The following PAK5 variants were observed in gnomAD, a reference collection of about 807,000 sequenced individuals.
PAK5 encodes p21 (RAC1) activated kinase 5.
A neutral mutation model predicts 65.9 loss-of-function variants in PAK5; 16 were observed. The ratio of observed to expected loss-of-function variants is 0.24; its 90% CI spans 0.16 to 0.37. The LOEUF is 0.37. Ranked by LOEUF, PAK5 falls within the 10% of genes least tolerant of loss-of-function variation. The pLI is 1.00. For synonymous variants in PAK5, 371 were observed against 354.9 expected, an observed-to-expected ratio of 1.05 and a Z score of -0.51; for missense variants, 785 against 903.9, an observed-to-expected ratio of 0.87 and a Z score of 1.69.
At chr20:9,625,493 G>C (rs372071632) in intron 3 of PAK5, among the ~76,000 whole-genome samples, 4 of 152,320 alleles carry the variant, frequency 2.6e-5, no homozygotes, top group South Asian at 4.1e-4. Context: ...TGCTGTGCAC[G>C]GGTTTTTGGT....
At position 9,658,489 on chromosome 20, in the gene PAK5, A is replaced by G. The variant is rs149093531; in HGVS notation, c.-11-14150T>C. Reference sequence around the variant, plus strand: ...AAAGGCACATAAGATTGGTTCCACTAGCTTCTATAAACAATGAAAGCTATA... The same window carrying G: ...AAAGGCACATAAGATTGGTTCCACTGGCTTCTATAAACAATGAAAGCTATA... On this transcript the variant is annotated intron_variant, in intron 2 of 9. Coordinates refer to ENST00000353224, the MANE Select transcript of PAK5 (RefSeq NM_177990.4). Among the ~76,000 whole-genome samples the G allele has an allele frequency of 2.6e-5, 4 of 152,302 alleles. No homozygotes were observed. The East Asian group carries it at 7.7e-4, about 29-fold the overall frequency.
At chr20:9,704,346 A>G (rs1163814609) in intron 2 of PAK5, among the ~76,000 whole-genome samples, 2 of 152,136 alleles carry the variant, frequency 1.3e-5, no homozygotes, top group East Asian at 3.8e-4. Context: ...CGCAGGTCAA[A>G]AGTAGCCATC....
intron 3 of PAK5, among the ~76,000 whole-genome samples, chr20:9,634,350 G>A (rs1486221850): frequency 1.3e-5 from 2 of 152,214 alleles, no homozygotes; most frequent in Admixed American, 1.3e-4. Context: ...GGTACCCACA[G>A]GGATAAATTC....
chr20:9,779,447 G>A (rs1343608368), intron 1 of PAK5, among the ~76,000 whole-genome samples: 8 of 149,178 alleles, frequency 5.4e-5, no homozygotes, highest in East Asian at 3.9e-4. Context: ...TTTCAGTATC[G>A]TTCTTTTTTT....
intron 1 of PAK5, among the ~76,000 whole-genome samples, chr20:9,766,264 T>G (rs1226853006): frequency 2.8e-5 from 4 of 145,150 alleles, no homozygotes; most frequent in Non-Finnish European, 6.0e-5. Flanking sequence ...ATGTTCTAAT[T>G]GAATATATAT....
chr20:9,657,206 T>C (rs1343492370), intron 2 of PAK5, among the ~76,000 whole-genome samples: 1 of 152,198 alleles, frequency 6.6e-6, no homozygotes, highest in Non-Finnish European at 1.5e-5. Flanking sequence ...TCCACAAATA[T>C]ATAATATTGA....
At chr20:9,785,715 T>C (rs2048985653) in intron 1 of PAK5, among the ~76,000 whole-genome samples, 1 of 152,204 alleles carries the variant, frequency 6.6e-6, no homozygotes, top group South Asian at 2.1e-4. Context: ...GACCTTCTGC[T>C]AGTAACTTTG....
At chr20:9,730,649 C>A (rs556159714) in intron 1 of PAK5, among the ~76,000 whole-genome samples, 1 of 152,144 alleles carries the variant, frequency 6.6e-6, no homozygotes, top group Non-Finnish European at 1.5e-5. Flanking sequence ...ATGATGATAT[C>A]GGTGTGTTCT....
chr20:9,714,723 C>A (rs2048121455), intron 1 of PAK5, among the ~76,000 whole-genome samples: 1 of 151,978 alleles, frequency 6.6e-6, no homozygotes, highest in Non-Finnish European at 1.5e-5. Flanking sequence ...CAGAACAGAA[C>A]CCTCAGAAAT....
At chr20:9,803,322 G>T (rs1007004775) in intron 1 of PAK5, among the ~76,000 whole-genome samples, 1 of 151,984 alleles carries the variant, frequency 6.6e-6, no homozygotes, top group African/African-American at 2.4e-5. Flanking sequence ...CACTTACTAC[G>T]CCAAGCCCAG....
intron 1 of PAK5, among the ~76,000 whole-genome samples, chr20:9,721,007 A>G (rs1432911902): frequency 6.6e-6 from 1 of 152,162 alleles, no homozygotes; most frequent in Non-Finnish European, 1.5e-5. Flanking sequence ...AGCAATGGAA[A>G]TGTTTTGGAA....
intron 1 of PAK5, among the ~76,000 whole-genome samples, chr20:9,807,762 AAAT>A (rs71184158): frequency 1.4e-3 from 206 of 142,332 alleles, no homozygotes; most frequent in Middle Eastern, 7.2e-3. Flanking sequence ...AGCAAAAAAT[AAAT>A]AATAATAATA....
At chr20:9,545,119 C>G (rs1568954300) in intron 7 of PAK5, among the ~76,000 whole-genome samples, 1 of 152,140 alleles carries the variant, frequency 6.6e-6, no homozygotes, top group Non-Finnish European at 1.5e-5. Context: ...CAAGTGGAAA[C>G]ACAGGCATAG....
At chr20:9,716,045 T>TA (rs552948367) in intron 1 of PAK5, among the ~76,000 whole-genome samples, 121 of 149,984 alleles carry the variant, frequency 8.1e-4, no homozygotes, top group African/African-American at 2.8e-3. Context: ...TAAAGTGTAA[T>TA]AAAAAATATG....
chr20:9,701,360 T>C (rs1020613082), intron 2 of PAK5, among the ~76,000 whole-genome samples: 1 of 152,082 alleles, frequency 6.6e-6, no homozygotes, highest in Non-Finnish European at 1.5e-5. Flanking sequence ...GTTCCATAAA[T>C]AAGGAATGTG....
intron 1 of PAK5, among the ~76,000 whole-genome samples, chr20:9,753,753 C>G (rs148563160): frequency 4.8e-4 from 73 of 152,274 alleles, no homozygotes; most frequent in Non-Finnish European, 9.6e-4. Context: ...CAAATAGGTG[C>G]TCATCTGTAG....
chr20:9,698,887 C>T lies in PAK5; in HGVS notation c.-12+12399G>A, dbSNP rs141232329. Among the ~76,000 whole-genome samples the T allele has an allele frequency of 3.5e-4, 54 of 152,278 alleles. No homozygotes were observed. In the East Asian group the frequency reaches 6.2e-3, roughly 17 times the overall value. ...TGAGATATAACTTGATTTTAAAACA[C>T]AGAGATGTAACAACTGGAAGTTAAC... On this transcript the variant is annotated intron_variant, in intron 2 of 9. Transcript: ENST00000353224.
At chr20:9,802,910 G>GTGTATATATATATATATATATATTTA (rs142279832) in intron 1 of PAK5, among the ~76,000 whole-genome samples, 1 of 46,364 alleles carries the variant, frequency 2.2e-5, no homozygotes. Context: ...ATATGTATGT[G>GTGTATATATATATATATATATATTTA]TATATATATA....
intron 1 of PAK5, among the ~76,000 whole-genome samples, chr20:9,735,738 A>ACTG (rs1395107536): frequency 6.6e-6 from 1 of 151,848 alleles, no homozygotes; most frequent in Non-Finnish European, 1.5e-5. Context: ...AATATCCACC[A>ACTG]CTGGCCAGGC....
Sources: allele counts gnomAD v4.1 joint callset (sites outside exome capture counted in the v4.1 genomes callset), GRCh38; gene constraint gnomAD v4.1.1; transcripts MANE v1.5; gene names NCBI Gene and HGNC (gene_info 2026-07-23, HGNC 2026-07-21).